The following EBF1 variants were observed in gnomAD, a reference collection of about 807,000 sequenced individuals.
EBF1 encodes the protein EBF transcription factor 1.
In EBF1, 10 loss-of-function variants were observed where a neutral mutation model predicts 68.4. The observed-to-expected ratio is 0.15, with a 90% CI of 0.09 to 0.25. The LOEUF is 0.25. EBF1 is among the 10% of genes least tolerant of loss of function. The probability of loss-of-function intolerance (pLI) is 1.00; values close to 1 mark genes in which losing one functional copy is unlikely to be tolerated. For synonymous variants in EBF1, 298 were observed against 299.8 expected, an observed-to-expected ratio of 0.99 and a Z score of 0.06; for missense variants, 509 against 794.4, an observed-to-expected ratio of 0.64 and a Z score of 4.32.
At chr5:158,819,095 A>C (rs1263134959) in intron 8 of EBF1, among the ~76,000 whole-genome samples, 1 of 152,204 alleles carries the variant, frequency 6.6e-6, no homozygotes, top group Non-Finnish European at 1.5e-5. Context: ...GAGAAGGGAA[A>C]GAAAAAGAAG....
chr5:159,061,647 T>C (rs1775851857), intron 6 of EBF1, among the ~76,000 whole-genome samples: 1 of 152,190 alleles, frequency 6.6e-6, no homozygotes, highest in South Asian at 2.1e-4. Context: ...CGGCCCCCAG[T>C]GTCCGGCTCG....
intron 6 of EBF1, among the ~76,000 whole-genome samples, chr5:159,012,948 C>T (rs902240712): frequency 1.3e-5 from 2 of 152,130 alleles, no homozygotes; most frequent in Admixed American, 6.6e-5. Context: ...TGGAAGAAGA[C>T]GGCGTCTACG....
intron 6 of EBF1, among the ~76,000 whole-genome samples, chr5:159,071,225 A>G (rs1191652327): frequency 6.6e-6 from 1 of 152,242 alleles, no homozygotes; most frequent in Non-Finnish European, 1.5e-5. Flanking sequence ...AGTTCATCAG[A>G]AACAATGGCA....
At chr5:159,041,918 CT>C (rs1771272841) in intron 6 of EBF1, among the ~76,000 whole-genome samples, 1 of 152,202 alleles carries the variant, frequency 6.6e-6, no homozygotes, top group Non-Finnish European at 1.5e-5. Context: ...TAACTACTCA[CT>C]TTTGCTTGCA....
intron 9 of EBF1, among the ~76,000 whole-genome samples, chr5:158,796,094 C>T (rs879569736): frequency 2.0e-5 from 3 of 152,022 alleles, no homozygotes; most frequent in Non-Finnish European, 4.4e-5. Flanking sequence ...ATGGCAAGCC[C>T]AAGAAGACAA....
At chr5:158,961,208 T>C (rs1203284621) in intron 6 of EBF1, among the ~76,000 whole-genome samples, 2 of 152,162 alleles carry the variant, frequency 1.3e-5, no homozygotes, top group Non-Finnish European at 2.9e-5. Context: ...TCTTAACACA[T>C]AGTGAAAGTG....
At chr5:158,817,617 A>T (rs1296331104) in intron 8 of EBF1, among the ~76,000 whole-genome samples, 1 of 152,228 alleles carries the variant, frequency 6.6e-6, no homozygotes, top group African/African-American at 2.4e-5. Flanking sequence ...AAGCAACAGA[A>T]AACAGACTAA....
At chr5:158,707,116 C>T (rs889154683) in intron 15 of EBF1, among the ~76,000 whole-genome samples, 1 of 152,184 alleles carries the variant, frequency 6.6e-6, no homozygotes, top group Non-Finnish European at 1.5e-5. Context: ...ATTTCATAAC[C>T]TCTCTAACCT....
intron 8 of EBF1, among the ~76,000 whole-genome samples, chr5:158,798,257 G>A (rs1779932739): frequency 6.6e-6 from 1 of 152,048 alleles, no homozygotes; most frequent in African/African-American, 2.4e-5. Context: ...ACAGGTTATT[G>A]GTTTAACTGA....
At chr5:158,880,531 C>T (rs1330727348) in intron 6 of EBF1, among the ~76,000 whole-genome samples, 1 of 152,118 alleles carries the variant, frequency 6.6e-6, no homozygotes, top group Non-Finnish European at 1.5e-5. Flanking sequence ...CATATTTGTT[C>T]GATAGAATCC....
At position 158,823,172 on chromosome 5, in the gene EBF1, C is replaced by T; in HGVS notation, c.778+4G>A. ...ATGCCAACCAATGAAAATGATTCGC[C>T]TACCATGTTCCAGATAAGAGGGCGT... On this transcript the variant is annotated splice_donor_region_variant and intron_variant, in intron 8 of 15. Coordinates refer to ENST00000313708, the MANE Select transcript of EBF1 (RefSeq NM_024007.5). 6.2e-7 allele frequency: 1 copy of T among 1,613,850 alleles called. No homozygotes were observed. The highest frequency in any genetic ancestry group is 8.5e-7 in the Non-Finnish European group (1 of 1,179,830).
chr5:158,962,529 T>C (rs188658798), intron 6 of EBF1, among the ~76,000 whole-genome samples: 2 of 152,336 alleles, frequency 1.3e-5, no homozygotes, highest in Admixed American at 1.3e-4. Flanking sequence ...AGTTTCTCAG[T>C]GCTATAAACC....
At chr5:158,814,178 T>C (rs1370439637) in intron 8 of EBF1, among the ~76,000 whole-genome samples, 1 of 152,146 alleles carries the variant, frequency 6.6e-6, no homozygotes, top group Non-Finnish European at 1.5e-5. Context: ...ACCCTGTCTC[T>C]ACAAAATCAA....
intron 6 of EBF1, chr5:158,982,991 C>A (rs1048168242): frequency 2.6e-5 from 4 of 152,186 alleles, no homozygotes; most frequent in African/African-American, 9.7e-5. Context: ...CCCCTGGCAC[C>A]AGGCTCCACC....
chr5:158,814,220 G>A (rs1318689340), intron 8 of EBF1, among the ~76,000 whole-genome samples: 2 of 152,162 alleles, frequency 1.3e-5, no homozygotes. Flanking sequence ...GAGTGCACCT[G>A]TAGTCCCAGC....
At chr5:158,994,092 C>A (rs1461735399) in intron 6 of EBF1, among the ~76,000 whole-genome samples, 1 of 152,138 alleles carries the variant, frequency 6.6e-6, no homozygotes, top group Admixed American at 6.5e-5. Context: ...TCAGCCAAAC[C>A]CCCTCATGTG....
At chr5:158,976,968 A>G (rs1002391272) in intron 6 of EBF1, among the ~76,000 whole-genome samples, 2 of 152,168 alleles carry the variant, frequency 1.3e-5, no homozygotes, top group African/African-American at 2.4e-5. Flanking sequence ...AGGTTCTTCT[A>G]CTGCTCCTGG....
At chr5:159,099,291 C>T (rs1172597092) in intron 1 of EBF1, 54 bp downstream of exon 1, 4 of 1,386,902 alleles carry the variant, frequency 2.9e-6, no homozygotes, top group South Asian at 1.9e-5. Context: ...GCCTCCGCCT[C>T]CCGGCTCTCC....
intron 6 of EBF1, among the ~76,000 whole-genome samples, chr5:158,852,254 C>T (rs1450643256): frequency 6.6e-6 from 1 of 151,864 alleles, no homozygotes; most frequent in Admixed American, 6.5e-5. Context: ...CAGAATCTTG[C>T]TAAGGATGAA....
Sources: allele counts gnomAD v4.1 joint callset (sites outside exome capture counted in the v4.1 genomes callset), GRCh38; gene constraint gnomAD v4.1.1; transcripts MANE v1.5; gene names NCBI Gene and HGNC (gene_info 2026-07-23, HGNC 2026-07-21).